TMEM117: variants seen among roughly 807,000 people sequenced by gnomAD.
TMEM117 encodes transmembrane protein 117.
A neutral mutation model predicts 52.4 loss-of-function variants in TMEM117; 27 were observed. That is an observed-to-expected ratio of 0.51 (90% CI 0.38 to 0.71). The LOEUF (loss-of-function observed/expected upper bound fraction) is 0.71, where lower values mean the gene tolerates loss of function less well. Ranked by LOEUF, TMEM117 falls within the 30% of genes least tolerant of loss-of-function variation. The probability of loss-of-function intolerance (pLI) is 0.00; values close to 1 mark genes in which losing one functional copy is unlikely to be tolerated. For synonymous variants in TMEM117, 215 were observed against 206.3 expected (o/e 1.04, Z -0.36); for missense variants, 556 against 630.5 (o/e 0.88, Z 1.26).
At chr12:43,956,087 A>G (rs2074586132) in intron 3 of TMEM117, among the ~76,000 whole-genome samples, 1 of 152,214 alleles carries the variant, frequency 6.6e-6, no homozygotes, top group South Asian at 2.1e-4. Context: ...CTTGGTAGCT[A>G]TATGCAGAAA....
intron 2 of TMEM117, among the ~76,000 whole-genome samples, chr12:43,919,426 T>C (rs1254579698): frequency 5.9e-5 from 9 of 152,370 alleles, no homozygotes; most frequent in Admixed American, 3.9e-4. Flanking sequence ...CCTGGCATAA[T>C]GTCCTGAAGG....
chr12:44,220,645 G>A (rs1949776328), intron 5 of TMEM117, among the ~76,000 whole-genome samples: 1 of 152,014 alleles, frequency 6.6e-6, no homozygotes, highest in South Asian at 2.1e-4. Flanking sequence ...AGGAACCAGG[G>A]CTCTTTGGAG....
At chr12:43,797,822 G>A in the TMEM117 span, 150,961 of 1,612,256 alleles carry the variant, frequency 0.094, 7,579 homozygotes, top group African/African-American at 0.14. Flanking sequence ...CCACACCCAC[G>A]TCAGTCTGTA....
chr12:44,008,359 A>G (rs1257716373), intron 3 of TMEM117, among the ~76,000 whole-genome samples: 1 of 152,218 alleles, frequency 6.6e-6, no homozygotes, highest in Non-Finnish European at 1.5e-5. Context: ...TCGAATAACC[A>G]GATACATACA....
At chr12:44,119,299 C>T (rs571467107) in intron 3 of TMEM117, among the ~76,000 whole-genome samples, 4 of 150,582 alleles carry the variant, frequency 2.7e-5, no homozygotes, top group African/African-American at 1.0e-4. Context: ...CATGAGCTTG[C>T]AGAGGATGTT....
chr12:43,858,646 G>A (rs988836320), intron 2 of TMEM117, among the ~76,000 whole-genome samples: 4 of 152,156 alleles, frequency 2.6e-5, no homozygotes, highest in Admixed American at 6.5e-5. Context: ...CTCCATGCTT[G>A]TTATGATACT....
At chr12:43,909,146 T>G (rs1944446408) in intron 2 of TMEM117, among the ~76,000 whole-genome samples, 1 of 63,016 alleles carries the variant, frequency 1.6e-5, no homozygotes. Flanking sequence ...CAACAAACTA[T>G]CTCTCAGACC....
intron 3 of TMEM117, among the ~76,000 whole-genome samples, chr12:44,091,737 A>G (rs752171522): frequency 1.6e-4 from 24 of 152,324 alleles, no homozygotes; most frequent in East Asian, 1.9e-4. Context: ...TGGAAAGGAC[A>G]GTATTCTAGA....
At chr12:44,023,990 G>A (rs557982481) in intron 3 of TMEM117, among the ~76,000 whole-genome samples, 1 of 152,134 alleles carries the variant, frequency 6.6e-6, no homozygotes, top group South Asian at 2.1e-4. Flanking sequence ...AAAACCCATG[G>A]ATTTAACTAT....
At chr12:44,275,372 T>G (rs1227455002) in intron 5 of TMEM117, among the ~76,000 whole-genome samples, 1 of 152,152 alleles carries the variant, frequency 6.6e-6, no homozygotes, top group Admixed American at 6.6e-5. Context: ...GCAACTGTTA[T>G]GGAGAACAGT....
At chr12:44,244,130 A>T (rs1950099520) in intron 5 of TMEM117, among the ~76,000 whole-genome samples, 2 of 152,058 alleles carry the variant, frequency 1.3e-5, no homozygotes, top group South Asian at 4.1e-4. Flanking sequence ...ATACTCTTGT[A>T]TATATATCCA....
At chr12:44,334,441 G>A (rs2220726) in intron 6 of TMEM117, among the ~76,000 whole-genome samples, 100,923 of 151,882 alleles carry the variant, frequency 0.66, 34,461 homozygotes, top group East Asian at 0.9. Context: ...CATGATTGTC[G>A]TTGAGGCTCT....
intron 4 of TMEM117, among the ~76,000 whole-genome samples, chr12:44,194,201 G>A (rs1023532288): frequency 3.4e-4 from 51 of 152,110 alleles, no homozygotes; most frequent in African/African-American, 1.1e-3. Context: ...TAGAGAATAT[G>A]TTTAATATGT....
chr12:44,316,324 T>C (rs77448406), intron 6 of TMEM117, among the ~76,000 whole-genome samples: 7,308 of 152,276 alleles, frequency 0.048, 360 homozygotes, highest in African/African-American at 0.12. Context: ...CATTGTATTT[T>C]TACTTTGCTT....
Position 44,244,824 on chromosome 12 carries a change from A to G in TMEM117, c.608+33437A>G, listed in dbSNP as rs114241617. Among the ~76,000 whole-genome samples the G allele has an allele frequency of 4.9e-3, 748 of 152,054 alleles. 4 individuals carry two copies. Among genetic ancestry groups the G allele is most frequent in the African/African-American group, 0.016 (682 of 41,514 alleles). On this transcript the variant is annotated intron_variant, in intron 5 of 7. Coordinates refer to ENST00000266534, the MANE Select transcript of TMEM117 (RefSeq NM_032256.3). ...TTTCTTCTAATTATTTTATAGTTTC[A>G]GGTCTTAGGTTTAAGTCTTTAACTC... is the stretch of plus-strand genomic sequence containing the variant.
chr12:44,386,579 T>C (rs11182480), intron 7 of TMEM117, among the ~76,000 whole-genome samples: 3,612 of 152,192 alleles, frequency 0.024, 64 homozygotes, highest in Non-Finnish European at 0.038. Flanking sequence ...AAAATTATCA[T>C]GGTTTAGGCA....
intron 4 of TMEM117, among the ~76,000 whole-genome samples, chr12:44,192,410 C>T (rs1949366990): frequency 6.6e-6 from 1 of 152,140 alleles, no homozygotes; most frequent in South Asian, 2.1e-4. Flanking sequence ...ATAAAATGGA[C>T]TAATTTGGCT....
At chr12:43,806,190 C>T in the TMEM117 span, 5 of 1,539,476 alleles carry the variant, frequency 3.2e-6, no homozygotes, top group Non-Finnish European at 3.5e-6. Context: ...CCGGAAGCCC[C>T]TTCCCTGCGA....
At chr12:43,806,353 C>A in the TMEM117 span, 1 of 1,254,828 alleles carries the variant, frequency 8.0e-7, no homozygotes, top group South Asian at 2.8e-5. Flanking sequence ...GTCATCCGCC[C>A]GCGACCCGCG....
Sources: allele counts gnomAD v4.1 joint callset (sites outside exome capture counted in the v4.1 genomes callset), GRCh38; gene constraint gnomAD v4.1.1; transcripts MANE v1.5; gene names NCBI Gene and HGNC (gene_info 2026-07-23, HGNC 2026-07-21).